The following MIS18A variants were observed in gnomAD, a reference collection of about 807,000 sequenced individuals.
The protein encoded by MIS18A is protein Mis18-alpha.
MIS18A carries 14 observed loss-of-function variants against 25.0 expected under a neutral mutation model. The observed-to-expected ratio is 0.56, with a 90% CI of 0.37 to 0.88. The LOEUF (loss-of-function observed/expected upper bound fraction) is 0.88. Ranked by LOEUF, MIS18A falls within the 40% of genes least tolerant of loss-of-function variation. The pLI is 0.00. For synonymous variants in MIS18A, 134 were observed against 118.6 expected, an observed-to-expected ratio of 1.13 and a Z score of -0.84; for missense variants, 292 against 290.8, an observed-to-expected ratio of 1.00 and a Z score of -0.03.
At chr21:32,191,866 T>C in the MIS18A span, among the ~76,000 whole-genome samples, 3 of 151,200 alleles carry the variant, frequency 2.0e-5, no homozygotes, top group African/African-American at 7.3e-5. Flanking sequence ...GATTGTGCCA[T>C]TGCACTCCAG....
At chr21:32,191,872 T>C in the MIS18A span, among the ~76,000 whole-genome samples, 4 of 151,264 alleles carry the variant, frequency 2.6e-5, no homozygotes, top group Non-Finnish European at 5.9e-5. Flanking sequence ...GCCATTGCAC[T>C]CCAGCCTGGG....
the MIS18A span, among the ~76,000 whole-genome samples, chr21:32,192,518 G>A: frequency 6.6e-6 from 1 of 152,164 alleles, no homozygotes; most frequent in Non-Finnish European, 1.5e-5. Context: ...AAGTTGTAGG[G>A]GGGGTCAGAG....
At chr21:32,201,679 G>A in the MIS18A span, among the ~76,000 whole-genome samples, 3 of 152,006 alleles carry the variant, frequency 2.0e-5, no homozygotes, top group African/African-American at 4.8e-5. Context: ...AAATTACCCT[G>A]GCATGCACCT....
At chr21:32,258,640 G>C in the MIS18A span, among the ~76,000 whole-genome samples, 1 of 151,966 alleles carries the variant, frequency 6.6e-6, no homozygotes, top group Non-Finnish European at 1.5e-5. Context: ...AAATGACTAC[G>C]GTACTCAGCA....
At chr21:32,186,833 A>T in the MIS18A span, among the ~76,000 whole-genome samples, 1 of 152,182 alleles carries the variant, frequency 6.6e-6, no homozygotes, top group Non-Finnish European at 1.5e-5. Context: ...GAAGTAAACC[A>T]TATGCTCCTG....
At chr21:32,196,516 A>G in the MIS18A span, among the ~76,000 whole-genome samples, 2 of 146,246 alleles carry the variant, frequency 1.4e-5, no homozygotes, top group Non-Finnish European at 3.0e-5. Context: ...GCTGGAGTGC[A>G]GTGGCACAAT....
chr21:32,232,868 G>A, the MIS18A span, among the ~76,000 whole-genome samples: 6 of 152,106 alleles, frequency 3.9e-5, no homozygotes, highest in African/African-American at 9.7e-5. Context: ...ATATTATATT[G>A]TATACTGGAA....
Position 32,274,817 on chromosome 21 carries a change from C to T in MIS18A, c.401+13G>A. 6.3e-7 allele frequency: 1 copy of T among 1,594,352 alleles called. No individual in the cohort carries two copies. Reference sequence around the variant, plus strand: ...ATTCTCTAACATATTCATATAAATACAGTTTTACTCACCAACCATTTTCCT... The same window carrying T: ...ATTCTCTAACATATTCATATAAATATAGTTTTACTCACCAACCATTTTCCT... On this transcript the variant is annotated intron_variant, in intron 2 of 4. Transcript: ENST00000290130.
intron 2 of MIS18A, among the ~76,000 whole-genome samples, chr21:32,270,858 T>C (rs1318425173): frequency 6.6e-6 from 1 of 152,190 alleles, no homozygotes; most frequent in Non-Finnish European, 1.5e-5. Context: ...TCGCCAGCCA[T>C]CTGGTGTCTG....
chr21:32,226,236 T>A, the MIS18A span, among the ~76,000 whole-genome samples: 1 of 142,586 alleles, frequency 7.0e-6, no homozygotes, highest in Admixed American at 7.0e-5. Flanking sequence ...CATATGTAAC[T>A]AACCTGCACA....
chr21:32,250,630 T>C, the MIS18A span, among the ~76,000 whole-genome samples: 4 of 152,210 alleles, frequency 2.6e-5, no homozygotes, highest in East Asian at 7.7e-4. Context: ...TTGCTTCTCA[T>C]AGGTGGATTG....
chr21:32,240,632 T>C, the MIS18A span, among the ~76,000 whole-genome samples: 2 of 152,244 alleles, frequency 1.3e-5, no homozygotes, highest in Admixed American at 1.3e-4. Flanking sequence ...CACAAAAATG[T>C]TGTCACGATT....
chr21:32,267,949 T>G (rs548719350), downstream of MIS18A, among the ~76,000 whole-genome samples: 9 of 152,318 alleles, frequency 5.9e-5, no homozygotes, highest in African/African-American at 2.2e-4. Context: ...CATGATCCAG[T>G]CAATGTGACT....
chr21:32,163,255 T>C, the MIS18A span, among the ~76,000 whole-genome samples: 1 of 152,200 alleles, frequency 6.6e-6, no homozygotes, highest in Non-Finnish European at 1.5e-5. Flanking sequence ...TTCCACTTCA[T>C]TTTTTGCTGG....
chr21:32,254,014 A>G, the MIS18A span, among the ~76,000 whole-genome samples: 1 of 152,020 alleles, frequency 6.6e-6, no homozygotes, highest in Non-Finnish European at 1.5e-5. Context: ...AGGTGGGTGG[A>G]TCACAAGGTC....
chr21:32,210,077 A>G, the MIS18A span, among the ~76,000 whole-genome samples: 1 of 152,204 alleles, frequency 6.6e-6, no homozygotes, highest in Non-Finnish European at 1.5e-5. Flanking sequence ...ACTACCAGTG[A>G]CAGTGATGCT....
At chr21:32,203,006 G>T in the MIS18A span, among the ~76,000 whole-genome samples, 2,221 of 152,212 alleles carry the variant, frequency 0.015, 54 homozygotes, top group African/African-American at 0.051. Context: ...AAGTGGAACT[G>T]CTGGGTAATA....
At chr21:32,242,362 C>T in the MIS18A span, among the ~76,000 whole-genome samples, 2 of 152,138 alleles carry the variant, frequency 1.3e-5, no homozygotes, top group Non-Finnish European at 2.9e-5. Context: ...TATTCTTCTA[C>T]TGAGTAAAAT....
At chr21:32,243,172 T>G in the MIS18A span, among the ~76,000 whole-genome samples, 6 of 151,936 alleles carry the variant, frequency 3.9e-5, no homozygotes, top group African/African-American at 1.5e-4. Context: ...CAGGAGAAAA[T>G]CTTTGTAATC....
Sources: allele counts gnomAD v4.1 joint callset (sites outside exome capture counted in the v4.1 genomes callset), GRCh38; gene constraint gnomAD v4.1.1; transcripts MANE v1.5; gene names NCBI Gene and HGNC (gene_info 2026-07-23, HGNC 2026-07-21).